The following TUSC3 variants were observed in gnomAD, a reference collection of about 807,000 sequenced individuals.
TUSC3 encodes the protein dolichyl-diphosphooligosaccharide--protein glycosyltransferase subunit TUSC3.
TUSC3 carries 45 observed loss-of-function variants against 44.8 expected under a neutral mutation model. The ratio of observed to expected loss-of-function variants is 1.00; its 90% confidence interval spans 0.79 to 1.29. The LOEUF is 1.29. Ranked by LOEUF, TUSC3 falls within the 50% of genes most tolerant of loss-of-function variation. TUSC3 has a pLI of 0.00. For synonymous variants in TUSC3, 212 were observed against 152.9 expected, an observed-to-expected ratio of 1.39 and a Z score of -2.85; for missense variants, 519 against 437.9, an observed-to-expected ratio of 1.19 and a Z score of -1.65.
chr8:15,758,757 T>G (rs563394488), intron 10 of TUSC3, among the ~76,000 whole-genome samples: 2 of 152,254 alleles, frequency 1.3e-5, no homozygotes, highest in East Asian at 3.9e-4. Flanking sequence ...CATTCCTCAT[T>G]GTTAAATGTG....
At position 15,730,733 on chromosome 8, in the gene TUSC3, T is replaced by C; in HGVS notation, c.862+4T>C. 2 of 1,612,864 alleles carry C rather than the reference T, an allele frequency of 1.2e-6. No individual in the cohort carries two copies. The highest frequency in any genetic ancestry group is 1.1e-5 in the South Asian group (1 of 91,010). On this transcript the variant is annotated splice_donor_region_variant and intron_variant, in intron 7 of 10. Transcript: ENST00000503731. ...TCACACATTATTCTGGTACTGAGTA[T>C]CCTTTTAAGATACCGACGAATTGAA...
At chr8:15,566,422 A>G (rs1053160608) in intron 1 of TUSC3, among the ~76,000 whole-genome samples, 3 of 152,224 alleles carry the variant, frequency 2.0e-5, no homozygotes, top group Admixed American at 1.3e-4. Context: ...AACATGTGCT[A>G]TTGTTACCAT....
At position 15,550,131 on chromosome 8, in the gene TUSC3, G is replaced by C. The variant is rs1802010536; in HGVS notation, c.138+9563G>C. Among the ~76,000 whole-genome samples the C allele has an allele frequency of 2.0e-5, 3 of 151,902 alleles. No homozygotes were observed. In the South Asian group the frequency reaches 6.3e-4, roughly 32 times the overall value. ...CACAATGCTTTTCCATACAATGTCT[G>C]TAATCATAGCCGATTAGGTCAGGGG... On this transcript the variant is annotated intron_variant, in intron 1 of 10. Transcript: ENST00000503731.
chr8:15,474,486 G>T (rs996764838), intron 1 of TUSC3, among the ~76,000 whole-genome samples: 1 of 152,062 alleles, frequency 6.6e-6, no homozygotes, highest in African/African-American at 2.4e-5. Flanking sequence ...TGGTCCCTCC[G>T]TTCAGAGTCC....
intron 6 of TUSC3, among the ~76,000 whole-genome samples, chr8:15,710,358 C>T (rs140810746): frequency 6.6e-6 from 1 of 151,818 alleles, no homozygotes; most frequent in East Asian, 1.9e-4. Flanking sequence ...TGATTGTTTC[C>T]TCATTTTTGT....
chr8:15,639,431 TAGAC>T (rs1371678717), intron 2 of TUSC3, among the ~76,000 whole-genome samples: 2 of 152,252 alleles, frequency 1.3e-5, no homozygotes, highest in South Asian at 2.1e-4. Flanking sequence ...AGTTTCTTGA[TAGAC>T]AGCTACAGGA....
At chr8:15,807,216 C>T in the TUSC3 span, 3 of 695,920 alleles carry the variant, frequency 4.3e-6, no homozygotes, top group Non-Finnish European at 7.9e-6. Context: ...TAGCTCGTAT[C>T]GCAACTAATT....
chr8:15,683,305 C>T (rs568422446), intron 6 of TUSC3, among the ~76,000 whole-genome samples: 1 of 152,284 alleles, frequency 6.6e-6, no homozygotes, highest in South Asian at 2.1e-4. Context: ...TTGTTTTACA[C>T]AATCTCTTAT....
At chr8:15,602,232 T>C (rs1432732947) in intron 1 of TUSC3, among the ~76,000 whole-genome samples, 1 of 151,690 alleles carries the variant, frequency 6.6e-6, no homozygotes, top group Non-Finnish European at 1.5e-5. Context: ...AGCCTATATA[T>C]AGGCCTTCCT....
rs185681371 is a variant in TUSC3 at position 15,480,796 on chromosome 8, T to G, written n.92-2590T>G. ...TAACCTCATTTAACCTATTACCTAT[T>G]TAAGTCTCTATCTCCAAATATAATT... On this transcript the variant is annotated intron_variant and non_coding_transcript_variant, in intron 1 of 5. Transcript: ENST00000503191. Among the ~76,000 whole-genome samples, 117 of 152,288 alleles carry G rather than the reference T, an allele frequency of 7.7e-4. 1 individual carries two copies. The highest frequency in any genetic ancestry group is 2.8e-3 in the African/African-American group (116 of 41,562).
intron 9 of TUSC3, among the ~76,000 whole-genome samples, chr8:15,749,480 C>A (rs1811597746): frequency 6.6e-6 from 1 of 152,064 alleles, no homozygotes; most frequent in Non-Finnish European, 1.5e-5. Flanking sequence ...TTCCAATTCT[C>A]TTCTTCCCAC....
chr8:15,576,580 T>G (rs1330595941), intron 1 of TUSC3, among the ~76,000 whole-genome samples: 3 of 144,748 alleles, frequency 2.1e-5, no homozygotes, highest in Non-Finnish European at 4.5e-5. Flanking sequence ...TTTGTTCTTG[T>G]GATAGTTTAC....
chr8:15,773,392 T>C, the TUSC3 span, among the ~76,000 whole-genome samples: 2 of 152,128 alleles, frequency 1.3e-5, no homozygotes, highest in Non-Finnish European at 2.9e-5. Flanking sequence ...AAAATACTTT[T>C]GGACAGATTT....
intron 1 of TUSC3, among the ~76,000 whole-genome samples, chr8:15,600,188 A>G (rs1804227256): frequency 6.6e-6 from 1 of 151,732 alleles, no homozygotes; most frequent in African/African-American, 2.4e-5. Context: ...ATTCTAATTC[A>G]TTTTCCAAAT....
intron 1 of TUSC3, among the ~76,000 whole-genome samples, chr8:15,435,476 A>G (rs759258971): frequency 2.7e-4 from 41 of 152,244 alleles, no homozygotes; most frequent in Non-Finnish European, 4.3e-4. Context: ...AAATATTTCA[A>G]TAACATTGAT....
intron 1 of TUSC3, among the ~76,000 whole-genome samples, chr8:15,549,518 G>C (rs187327244): frequency 4.3e-4 from 65 of 151,496 alleles, no homozygotes; most frequent in Non-Finnish European, 7.4e-5. Context: ...TTGATTGGTA[G>C]GTGTTTTCAT....
intron 1 of TUSC3, among the ~76,000 whole-genome samples, chr8:15,596,299 A>G (rs1202028010): frequency 6.6e-6 from 1 of 152,144 alleles, no homozygotes; most frequent in Non-Finnish European, 1.5e-5. Flanking sequence ...TTTAGTAAAA[A>G]ATTATTTGGA....
At chr8:15,441,356 G>A (rs972136714) in intron 1 of TUSC3, among the ~76,000 whole-genome samples, 7 of 152,180 alleles carry the variant, frequency 4.6e-5, no homozygotes, top group East Asian at 1.9e-4. Context: ...TCAGTGAGCC[G>A]AGATCGCGTC....
chr8:15,456,034 T>C lies in TUSC3; in HGVS notation n.92-27352T>C, dbSNP rs557630757. Among the ~76,000 whole-genome samples, 23 of 152,288 alleles carry C rather than the reference T, an allele frequency of 1.5e-4. 1 individual carries two copies. The highest frequency in any genetic ancestry group is 5.3e-4 in the African/African-American group (22 of 41,574). On this transcript the variant is annotated intron_variant and non_coding_transcript_variant, in intron 1 of 5. Coordinates refer to the TUSC3 transcript ENST00000503191. ...GACCTACCAACCACTCCGGTGGCCC[T>C]ACCCAGAATAATTCAATGTGTAGGA...
Sources: allele counts gnomAD v4.1 joint callset (sites outside exome capture counted in the v4.1 genomes callset), GRCh38; gene constraint gnomAD v4.1.1; transcripts MANE v1.5; gene names NCBI Gene and HGNC (gene_info 2026-07-23, HGNC 2026-07-21).